CNTLN: variants seen among roughly 807,000 people sequenced by gnomAD.
The protein encoded by CNTLN is centlein, centrosomal protein.
Under a neutral mutation model 180.0 loss-of-function variants are expected in CNTLN, and 212 were observed. The ratio of observed to expected loss-of-function variants is 1.18; its 90% CI spans 1.05 to 1.32. The LOEUF is 1.32. Ranked by LOEUF, CNTLN falls within the 40% of genes most tolerant of loss-of-function variation. The probability of loss-of-function intolerance (pLI) is 0.00; values close to 1 mark genes in which losing one functional copy is unlikely to be tolerated. For missense variants in CNTLN, 2,095 were observed against 1,610.9 expected (o/e 1.30, Z -5.14); for synonymous variants, 722 against 563.1 (o/e 1.28, Z -3.99).
chr9:17,180,471 T>C (rs1821056882), intron 2 of CNTLN, among the ~76,000 whole-genome samples: 1 of 151,254 alleles, frequency 6.6e-6, no homozygotes, highest in South Asian at 2.1e-4. Flanking sequence ...TTCCTTTTCT[T>C]TCCCCTATAT....
chr9:17,261,764 A>G lies in CNTLN; in HGVS notation c.850-11969A>G, dbSNP rs1211753232. On this transcript the variant is annotated intron_variant, in intron 5 of 25. Transcript: ENST00000380647. ...TAATTAAACTAAAGAGGTTCTGCAC[A>G]GCAGAAGAAACTAGCATCAGAGTGA... is the stretch of plus-strand genomic sequence containing the variant. Among the ~76,000 whole-genome samples the G allele has an allele frequency of 1.3e-5, 2 of 151,534 alleles. 1 individual carries two copies. Among genetic ancestry groups the G allele is most frequent in the African/African-American group, 4.9e-5 (2 of 40,884 alleles).
At chr9:17,200,918 A>C (rs1245958542) in intron 2 of CNTLN, among the ~76,000 whole-genome samples, 2 of 152,156 alleles carry the variant, frequency 1.3e-5, no homozygotes, top group Non-Finnish European at 2.9e-5. Context: ...GTGGTTTTCA[A>C]AGGGAATGTT....
chr9:17,343,532 C>T (rs765342421), intron 12 of CNTLN, among the ~76,000 whole-genome samples: 3 of 152,104 alleles, frequency 2.0e-5, no homozygotes, highest in Admixed American at 6.5e-5. Context: ...TGTATGCTCC[C>T]ATTTACCACT....
At chr9:17,224,505 T>G (rs1824339256) in intron 2 of CNTLN, among the ~76,000 whole-genome samples, 2 of 151,960 alleles carry the variant, frequency 1.3e-5, no homozygotes, top group Admixed American at 1.3e-4. Context: ...TATGTTGGAG[T>G]TTCCCAAAGA....
intron 3 of CNTLN, among the ~76,000 whole-genome samples, chr9:17,229,222 T>C (rs558495301): frequency 6.6e-6 from 1 of 152,204 alleles, no homozygotes; most frequent in East Asian, 1.9e-4. Flanking sequence ...AATGTTGTCA[T>C]TGTCGTAAAA....
chr9:17,462,734 T>C (rs1831524718), intron 19 of CNTLN, among the ~76,000 whole-genome samples, 182 bp from the exon 20 acceptor site: 1 of 151,612 alleles, frequency 6.6e-6, no homozygotes. Context: ...ATAAAAGTTT[T>C]AGTATTATTA....
At chr9:17,197,953 T>C (rs982508291) in intron 2 of CNTLN, among the ~76,000 whole-genome samples, 5 of 152,220 alleles carry the variant, frequency 3.3e-5, no homozygotes, top group Non-Finnish European at 7.3e-5. Context: ...CTTCTGCATA[T>C]GTATATCCAG....
chr9:17,266,705 T>C (rs1323363897), intron 5 of CNTLN, among the ~76,000 whole-genome samples: 1 of 152,186 alleles, frequency 6.6e-6, no homozygotes, highest in Non-Finnish European at 1.5e-5. Flanking sequence ...GGACTTGCTT[T>C]ATGAATCTGG....
Position 17,177,270 on chromosome 9 carries a change from G to A in CNTLN, c.449+33894G>A, listed in dbSNP as rs142388362. On this transcript the variant is annotated intron_variant, in intron 2 of 25. Coordinates refer to ENST00000380647, the MANE Select transcript of CNTLN (RefSeq NM_017738.4). Reference sequence around the variant, plus strand: ...TAAAAATACAAAAAATTAGCCTGGCGTGGTGGCAGGCACCTGTAGTCCCAG... The same window carrying A: ...TAAAAATACAAAAAATTAGCCTGGCATGGTGGCAGGCACCTGTAGTCCCAG... Among the ~76,000 whole-genome samples the A allele has an allele frequency of 1.6e-3, 249 of 152,166 alleles. 1 individual carries two copies. The highest frequency in any genetic ancestry group is 5.6e-3 in the African/African-American group (231 of 41,516).
chr9:17,273,708 A>G lies in CNTLN; in HGVS notation c.850-25A>G, dbSNP rs774055793. 22 of 1,273,462 alleles carry G rather than the reference A, an allele frequency of 1.7e-5. No individual in the cohort carries two copies. The South Asian group carries it at 3.6e-4, about 21-fold the overall frequency. 78.9% of individuals were successfully genotyped at this position (1,273,462 alleles called of 1,614,324 possible). ...CATGTAGTATTTATTATGTTTGATT[A>G]TTGATATAAGCACTCTAATTTTAGA... On this transcript the variant is annotated intron_variant, in intron 5 of 25. Transcript: ENST00000380647.
intron 6 of CNTLN, among the ~76,000 whole-genome samples, chr9:17,280,615 G>A (rs948953667): frequency 3.9e-5 from 6 of 152,146 alleles, no homozygotes; most frequent in Non-Finnish European, 7.3e-5. Flanking sequence ...GTAATGCATT[G>A]TTGTTCTGGC....
At chr9:17,248,044 A>C (rs1225162883) in intron 5 of CNTLN, among the ~76,000 whole-genome samples, 1 of 152,002 alleles carries the variant, frequency 6.6e-6, no homozygotes, top group African/African-American at 2.4e-5. Flanking sequence ...GCTGGTCTCG[A>C]ACTCCTTAGC....
intron 12 of CNTLN, among the ~76,000 whole-genome samples, chr9:17,357,470 A>G (rs1190303610): frequency 6.6e-6 from 1 of 151,072 alleles, no homozygotes; most frequent in Non-Finnish European, 1.5e-5. Context: ...ATGAGTCCAT[A>G]TACATATGAT....
At chr9:17,493,040 G>A (rs577098617) in intron 25 of CNTLN, among the ~76,000 whole-genome samples, 1 of 152,220 alleles carries the variant, frequency 6.6e-6, no homozygotes, top group African/African-American at 2.4e-5. Flanking sequence ...CATAGAGACA[G>A]AAAGTAGAAT....
intron 1 of CNTLN, among the ~76,000 whole-genome samples, chr9:17,135,722 C>G (rs969502070): frequency 2.0e-5 from 3 of 152,236 alleles, no homozygotes; most frequent in East Asian, 1.9e-4. Context: ...CCCCCCCAAG[C>G]CCAAGTTCTT....
intron 8 of CNTLN, among the ~76,000 whole-genome samples, chr9:17,329,649 A>G (rs1410105816): frequency 6.6e-6 from 1 of 151,922 alleles, no homozygotes; most frequent in Non-Finnish European, 1.5e-5. Flanking sequence ...AATTTTGCGT[A>G]TCCTCTCAAA....
intron 5 of CNTLN, among the ~76,000 whole-genome samples, chr9:17,265,415 T>A (rs1012760259): frequency 3.9e-5 from 6 of 152,144 alleles, no homozygotes; most frequent in South Asian, 2.1e-4. Flanking sequence ...TGGATAAGCT[T>A]TTTGATGTGC....
At chr9:17,357,635 A>G (rs1822960927) in intron 12 of CNTLN, among the ~76,000 whole-genome samples, 1 of 141,986 alleles carries the variant, frequency 7.0e-6, no homozygotes, top group Non-Finnish European at 1.5e-5. Context: ...TATATATAGT[A>G]TTTTTAAATT....
At chr9:17,380,606 A>G (rs186546927) in intron 13 of CNTLN, among the ~76,000 whole-genome samples, 2 of 152,276 alleles carry the variant, frequency 1.3e-5, no homozygotes, top group East Asian at 3.9e-4. Flanking sequence ...GTAATTACCT[A>G]TGACCAAGCC....
Sources: allele counts gnomAD v4.1 joint callset (sites outside exome capture counted in the v4.1 genomes callset), GRCh38; gene constraint gnomAD v4.1.1; transcripts MANE v1.5; gene names NCBI Gene and HGNC (gene_info 2026-07-23, HGNC 2026-07-21).